Variants in UNC119B observed in about 807,000 individuals in gnomAD.
The protein encoded by UNC119B is protein unc-119 homolog B.
In UNC119B, 16 loss-of-function variants were observed where a neutral mutation model predicts 23.4. That is an observed-to-expected ratio of 0.68 (90% CI 0.46 to 1.04). The LOEUF is 1.04. Among genes scored for constraint, UNC119B ranks in the 50% least tolerant of loss-of-function variants. The pLI, the probability that UNC119B is intolerant of heterozygous loss-of-function variation, is 0.00. For synonymous variants in UNC119B, 144 were observed against 145.4 expected, an observed-to-expected ratio of 0.99 and a Z score of 0.07; for missense variants, 350 against 361.3, an observed-to-expected ratio of 0.97 and a Z score of 0.25.
intron 4 of UNC119B, among the ~76,000 whole-genome samples, chr12:120,717,960 C>T (rs1341123673): frequency 2.0e-5 from 3 of 151,756 alleles, no homozygotes; most frequent in Non-Finnish European, 1.5e-5. Flanking sequence ...CAAGCTCTGC[C>T]TCCTGGGTTC....
intron 2 of UNC119B, among the ~76,000 whole-genome samples, chr12:120,713,694 A>G (rs942556499): frequency 3.9e-5 from 6 of 152,224 alleles, no homozygotes; most frequent in South Asian, 2.1e-4. Flanking sequence ...TCTGAGGCCT[A>G]CAATTCCCAG....
rs1395488888 is a variant in UNC119B at position 120,723,553 on chromosome 12, T to TTTGTGTCCAA, written c.*3522_*3531dup. 6.6e-6 allele frequency: 1 copy of TTTGTGTCCAA among 152,306 alleles called. No individual in the cohort carries two copies. The highest frequency in any genetic ancestry group is 1.5e-5 in the Non-Finnish European group (1 of 68,046). The allele number at this position is 152,306 out of a possible 1,614,324, so 9.4% of individuals were successfully genotyped here. On this transcript the variant is annotated 3_prime_UTR_variant, in exon 5 of 5. Coordinates refer to ENST00000344651, the MANE Select transcript of UNC119B (RefSeq NM_001080533.3). ...AAATCACATTCCAGTTTTTATTGTC[T>TTTGTGTCCAA]TTGTGTCCAAAGTAAACTAGGTGAC...
chr12:120,713,551 C>T (rs901642586), intron 2 of UNC119B, among the ~76,000 whole-genome samples, 164 bp downstream of exon 2: 2 of 152,218 alleles, frequency 1.3e-5, no homozygotes, highest in Non-Finnish European at 2.9e-5. Flanking sequence ...TTTGAAGCTG[C>T]GTTCAGAGGC....
chr12:120,723,360 C>T lies in UNC119B; in HGVS notation c.*3328C>T, dbSNP rs1882955291. On this transcript the variant is annotated 3_prime_UTR_variant, in exon 5 of 5. Coordinates refer to ENST00000344651, the MANE Select transcript of UNC119B (RefSeq NM_001080533.3). ...ATTCCATGTCACAGAACATATCAGC[C>T]TCAAGAAGGATTTGGTGGAGGTGGA... is the stretch of plus-strand genomic sequence containing the variant. The T allele has an allele frequency of 6.5e-6, 1 of 153,292 alleles. No individual in the cohort carries two copies. The highest frequency in any genetic ancestry group is 6.5e-5 in the Admixed American group (1 of 15,286). The allele number at this position is 153,292 out of a possible 1,614,324, so 9.5% of individuals were successfully genotyped here.
intron 2 of UNC119B, among the ~76,000 whole-genome samples, chr12:120,714,826 C>T (rs941583393): frequency 1.3e-5 from 2 of 152,112 alleles, no homozygotes; most frequent in East Asian, 1.9e-4. Context: ...GCTGAAGATA[C>T]TGTAAAGTAT....
chr12:120,711,670 C>T (rs1410072547), intron 1 of UNC119B: 2 of 152,314 alleles, frequency 1.3e-5, no homozygotes, highest in Non-Finnish European at 2.9e-5. Context: ...GTGGCAGCAG[C>T]AACATTCCCT....
In UNC119B at chr12:120,722,572, C is replaced by G. The variant is rs1023045617; in HGVS notation, c.*2540C>G. On this transcript the variant is annotated 3_prime_UTR_variant, in exon 5 of 5. Transcript: ENST00000344651. Reference sequence around the variant, plus strand: ...CAATGGGAGGCGGCAAAAAAACTACCTGCATAGGAGACCCTGCCCTTTGTC... The same window carrying G: ...CAATGGGAGGCGGCAAAAAAACTACGTGCATAGGAGACCCTGCCCTTTGTC... The G allele has an allele frequency of 1.3e-5, 2 of 152,264 alleles. No individual in the cohort carries two copies. The highest frequency in any genetic ancestry group is 2.4e-5 in the African/African-American group (1 of 41,466). The allele number at this position is 152,264 out of a possible 1,614,324, so 9.4% of individuals were successfully genotyped here. A position where few individuals can be genotyped will look rare whatever the true frequency, so the allele number is the denominator to read the frequency against.
chr12:120,718,735 T>C (rs1882831596), intron 4 of UNC119B, among the ~76,000 whole-genome samples: 1 of 152,244 alleles, frequency 6.6e-6, no homozygotes. Context: ...TAGAATCCTG[T>C]GACTAGTGAT....
chr12:120,715,024 A>G, intron 2 of UNC119B, among the ~76,000 whole-genome samples: 1 of 152,024 alleles, frequency 6.6e-6, no homozygotes, highest in Non-Finnish European at 1.5e-5. Context: ...CCCCATCTGT[A>G]CAAAAAATAC....
In UNC119B at chr12:120,716,748, C is replaced by A. The variant is rs1297275530; in HGVS notation, c.470+9C>A. 1 of 1,613,224 alleles carries A rather than the reference C, an allele frequency of 6.2e-7. No individual in the cohort carries two copies. The highest frequency in any genetic ancestry group is 8.5e-7 in the Non-Finnish European group (1 of 1,179,202). ...CGGACAGTCGGGGCTACGTGAGTACCATTACTACCTGAGGGGAGAACATTC... is the reference window on the plus strand; with the variant it reads ...CGGACAGTCGGGGCTACGTGAGTACAATTACTACCTGAGGGGAGAACATTC... On this transcript the variant is annotated intron_variant, in intron 3 of 4. Coordinates refer to ENST00000344651, the MANE Select transcript of UNC119B (RefSeq NM_001080533.3).
intron 4 of UNC119B, 133 bp from the exon 5 acceptor site, chr12:120,719,787 G>A (rs754656451): frequency 7.7e-6 from 5 of 645,496 alleles, no homozygotes; most frequent in Middle Eastern, 5.2e-4. Context: ...TGACCTCATC[G>A]TTATTCTGGC....
At chr12:120,713,534 A>G (rs1455113958) in intron 2 of UNC119B, 147 bp downstream of exon 2, 3 of 627,948 alleles carry the variant, frequency 4.8e-6, no homozygotes, top group East Asian at 2.7e-5. Context: ...TCTGCCAGGC[A>G]TGGTGGTTTG....
At chr12:120,719,073 G>T (rs1278207127) in intron 4 of UNC119B, among the ~76,000 whole-genome samples, 1 of 152,186 alleles carries the variant, frequency 6.6e-6, no homozygotes, top group Non-Finnish European at 1.5e-5. Context: ...TGGGTTCAAA[G>T]AACTTTAAAA....
intron 2 of UNC119B, 133 bp from the exon 3 acceptor site, chr12:120,716,495 A>G (rs1446213529): frequency 6.6e-6 from 6 of 910,738 alleles, no homozygotes; most frequent in Non-Finnish European, 9.1e-6. Context: ...GCAAGTGCGC[A>G]GTAAACACTG....
At chr12:120,719,814 C>T (rs571615670) in intron 4 of UNC119B, 106 bp from the exon 5 acceptor site, 25 of 733,730 alleles carry the variant, frequency 3.4e-5, no homozygotes, top group East Asian at 2.6e-4. Context: ...TACTCTGAAG[C>T]GCTGGCTTAT....
chr12:120,716,521 G>C, intron 2 of UNC119B, 107 bp from the exon 3 acceptor site: 1 of 1,121,906 alleles, frequency 8.9e-7, no homozygotes, highest in South Asian at 1.2e-5. Context: ...TCTTCTTGTT[G>C]GTGTGGTTAC....
intron 1 of UNC119B, among the ~76,000 whole-genome samples, chr12:120,712,655 C>T (rs534171504): frequency 4.6e-5 from 7 of 152,250 alleles, no homozygotes; most frequent in African/African-American, 9.6e-5. Flanking sequence ...TCTTGAGACA[C>T]GTGGTTATGT....
rs1450398138 is a variant in UNC119B at position 120,720,079 on chromosome 12, T to A, written c.*47T>A. 1.4e-6 allele frequency: 2 copies of A among 1,389,892 alleles called. No individual in the cohort carries two copies. The highest frequency in any genetic ancestry group is 2.9e-5 in the African/African-American group (2 of 70,146). The allele number at this position is 1,389,892 out of a possible 1,614,324, so 86.1% of individuals were successfully genotyped here. ...GAGGTGCTTTGCCGCGGCCACAAGA[T>A]CCTGGCACACGGAGATGATCGAAGC... is the stretch of plus-strand genomic sequence containing the variant. On this transcript the variant is annotated 3_prime_UTR_variant, in exon 5 of 5. Coordinates refer to ENST00000344651, the MANE Select transcript of UNC119B (RefSeq NM_001080533.3).
chr12:120,717,882 T>TC (rs895644579), intron 4 of UNC119B, among the ~76,000 whole-genome samples: 1 of 150,984 alleles, frequency 6.6e-6, no homozygotes, highest in Non-Finnish European at 1.5e-5. Context: ...TTTTTTTTTT[T>TC]CTTTTTGAGA....
Sources: gnomAD v4.1 joint callset for allele counts (sites outside exome capture counted in the v4.1 genomes callset) on GRCh38, gnomAD v4.1.1 for gene constraint, MANE v1.5 for transcripts, NCBI Gene and HGNC (gene_info 2026-07-23, HGNC 2026-07-21) for gene names.